Variants in MTA3 observed in about 807,000 individuals in gnomAD.
MTA3 encodes the protein metastasis associated 1 family member 3.
In MTA3, 34 loss-of-function variants were observed where a neutral mutation model predicts 83.5. The observed-to-expected ratio is 0.41, with a 90% CI of 0.31 to 0.54. The LOEUF is 0.54. Ranked by LOEUF, MTA3 falls within the 20% of genes least tolerant of loss-of-function variation. The pLI, the probability that MTA3 is intolerant of heterozygous loss-of-function variation, is 0.33. For synonymous variants in MTA3, 303 were observed against 252.7 expected (o/e 1.20, Z -1.89); for missense variants, 761 against 726.4 (o/e 1.05, Z -0.55).
At chr2:42,720,287 A>G (rs1558618006) in intron 15 of MTA3, among the ~76,000 whole-genome samples, 1 of 152,014 alleles carries the variant, frequency 6.6e-6, no homozygotes, top group African/African-American at 2.4e-5. Flanking sequence ...GGTTCACGCC[A>G]TTCTCCTGCC....
chr2:42,536,864 A>AAAG (rs1676266890), intron 2 of MTA3, among the ~76,000 whole-genome samples: 1 of 151,556 alleles, frequency 6.6e-6, no homozygotes, highest in South Asian at 2.1e-4. Flanking sequence ...ATCTCAAAAA[A>AAAG]AAAAAAAAAA....
intron 8 of MTA3, among the ~76,000 whole-genome samples, chr2:42,669,128 A>G (rs2104401313): frequency 7.0e-6 from 1 of 142,446 alleles, no homozygotes; most frequent in East Asian, 2.0e-4. Context: ...TCTGTCACCC[A>G]GGCTGGAGTG....
rs978274292 is a variant in MTA3, at chr2:42,524,466, A to T, written c.-141+29212A>T. On this transcript the variant is annotated intron_variant, in intron 2 of 17. Coordinates refer to the MTA3 transcript ENST00000405592. ...CAATTGCCCGCCACCACGCCTGGCT[A>T]GTTGTGTTTTTTTTTTTTTTTTTTT... 2.4e-4 allele frequency among the ~76,000 whole-genome samples: 30 copies of T among 122,800 alleles called. No individual in the cohort carries two copies. The East Asian group carries it at 3.8e-3, about 15-fold the overall frequency. The allele number at this position is 122,800 out of a possible 152,430, so 80.6% of individuals were successfully genotyped here.
intron 16 of MTA3, among the ~76,000 whole-genome samples, chr2:42,748,025 A>G (rs1669570471): frequency 6.6e-6 from 1 of 151,642 alleles, no homozygotes; most frequent in Non-Finnish European, 1.5e-5. Context: ...TATATTTTCT[A>G]GAATTAGTTT....
At chr2:42,594,728 A>ATTTT (rs1211133796) in intron 3 of MTA3, among the ~76,000 whole-genome samples, 21 of 24,028 alleles carry the variant, frequency 8.7e-4, no homozygotes, top group Non-Finnish European at 9.7e-4. Flanking sequence ...ATATATATAT[A>ATTTT]TTTTTTTTTT....
chr2:42,545,742 G>A (rs1056245632), intron 2 of MTA3, among the ~76,000 whole-genome samples: 2 of 152,180 alleles, frequency 1.3e-5, no homozygotes, highest in African/African-American at 4.8e-5. Context: ...CCTTAAAGAA[G>A]CTTGGGATAC....
intron 2 of MTA3, 21 bp downstream of exon 2, chr2:42,570,525 AT>A (rs1276076113): frequency 3.0e-6 from 4 of 1,315,332 alleles, no homozygotes; most frequent in Non-Finnish European, 4.1e-6. Context: ...AGTGTTCTTA[AT>A]TTTAATATTA....
At chr2:42,709,379 G>T in intron 14 of MTA3, 1 of 1,097,866 alleles carries the variant, frequency 9.1e-7, no homozygotes. Flanking sequence ...GGGGTTTTGT[G>T]ATGGAATTGC....
intron 9 of MTA3, among the ~76,000 whole-genome samples, chr2:42,692,218 A>G (rs1277497202): frequency 6.6e-6 from 1 of 152,022 alleles, no homozygotes; most frequent in African/African-American, 2.4e-5. Context: ...AGGCTCAATA[A>G]TTCTTCCTTC....
intron 16 of MTA3, among the ~76,000 whole-genome samples, chr2:42,748,736 C>T (rs1291420904): frequency 9.9e-5 from 15 of 152,110 alleles, no homozygotes; most frequent in Admixed American, 9.2e-4. Flanking sequence ...TCTCACTGCG[C>T]CCAGCCAGTC....
In MTA3 at chr2:42,667,630, AGAGAG is replaced by A. The variant is rs1690395248; in HGVS notation, c.702+7769_702+7773del. 3.7e-5 allele frequency among the ~76,000 whole-genome samples: 4 copies of A among 109,540 alleles called. No individual in the cohort carries two copies. The Admixed American group carries it at 3.8e-4, about 10-fold the overall frequency. The allele number at this position is 109,540 out of a possible 152,430, so 71.9% of individuals were successfully genotyped here. ...TGTGTATAGAGAGAGAAAGAGAGAG[AGAGAG>A]AGAGAGAGAGAGAGAGAGAGAGTCA... is the stretch of plus-strand genomic sequence containing the variant. On this transcript the variant is annotated intron_variant, in intron 8 of 16. Transcript: ENST00000405094.
At chr2:42,558,238 C>CTTTT (rs777256051) in intron 2 of MTA3, among the ~76,000 whole-genome samples, 2 of 125,940 alleles carry the variant, frequency 1.6e-5, no homozygotes, top group Non-Finnish European at 3.4e-5. Flanking sequence ...CACCTGAGGA[C>CTTTT]TTTTTTTTTT....
intron 3 of MTA3, among the ~76,000 whole-genome samples, chr2:42,584,229 C>T (rs1031419132): frequency 2.0e-5 from 3 of 151,824 alleles, no homozygotes; most frequent in South Asian, 2.1e-4. Context: ...CTGGTGTTTC[C>T]ATCACTGTGT....
intron 2 of MTA3, among the ~76,000 whole-genome samples, chr2:42,551,238 T>C (rs1677096986): frequency 6.6e-6 from 1 of 152,092 alleles, no homozygotes; most frequent in South Asian, 2.1e-4. Flanking sequence ...TCGCCCAGGC[T>C]GTAGTGCACT....
chr2:42,537,580 A>G (rs1044683221), intron 2 of MTA3, among the ~76,000 whole-genome samples: 1 of 152,138 alleles, frequency 6.6e-6, no homozygotes, highest in African/African-American at 2.4e-5. Flanking sequence ...AAATAAATAA[A>G]TAAACAAAAT....
intron 16 of MTA3, among the ~76,000 whole-genome samples, chr2:42,745,824 C>CTTTTTTTTTTTTTTTTTTTTT (rs146921280): frequency 0.018 from 2,078 of 118,112 alleles, 235 homozygotes; most frequent in African/African-American, 0.028. Context: ...AAATAGTCCT[C>CTTTTTTTTTTTTTTTTTTTTT]TTTTTTTTGA....
At chr2:42,515,753 G>A (rs1161679248) in intron 2 of MTA3, among the ~76,000 whole-genome samples, 4 of 151,400 alleles carry the variant, frequency 2.6e-5, no homozygotes, top group Admixed American at 6.6e-5. Context: ...CGCCCACCTC[G>A]GCCTCCCAAA....
chr2:42,683,070 C>T (rs2104439494), intron 9 of MTA3, among the ~76,000 whole-genome samples: 1 of 152,094 alleles, frequency 6.6e-6, no homozygotes, highest in South Asian at 2.1e-4. Context: ...GACTTGGTGT[C>T]AAAAACAAAA....
intron 5 of MTA3, among the ~76,000 whole-genome samples, chr2:42,642,143 T>C (rs1687751567): frequency 6.6e-6 from 1 of 152,188 alleles, no homozygotes; most frequent in Non-Finnish European, 1.5e-5. Context: ...ATCTGGAACC[T>C]TTTCTTCTTC....
Sources: allele counts gnomAD v4.1 joint callset (sites outside exome capture counted in the v4.1 genomes callset), GRCh38; gene constraint gnomAD v4.1.1; transcripts MANE v1.5; gene names NCBI Gene and HGNC (gene_info 2026-07-23, HGNC 2026-07-21).